Variants in NBPF11 observed in about 807,000 individuals in gnomAD.
NBPF11 encodes the protein NBPF member 11, also known as NBPF family member NBPF11.
NBPF11 carries 72 observed loss-of-function variants against 93.9 expected under a neutral mutation model. That is an observed-to-expected ratio of 0.77 (90% CI 0.63 to 0.93). NBPF11 has a LOEUF of 0.93. Among genes scored for constraint, NBPF11 ranks in the 40% least tolerant of loss-of-function variants. The pLI is 0.00. For missense variants in NBPF11, 705 were observed against 802.2 expected, an observed-to-expected ratio of 0.88 and a Z score of 1.46; for synonymous variants, 224 against 304.9, an observed-to-expected ratio of 0.73 and a Z score of 2.76.
chr1:148,122,749 T>A lies in NBPF11; in HGVS notation c.546A>T (p.Val182=), dbSNP rs76908662. 18 of 1,609,270 alleles carry A rather than the reference T, an allele frequency of 1.1e-5. No homozygotes were observed. Among genetic ancestry groups the A allele is most frequent in the Non-Finnish European group, 1.5e-5 (18 of 1,176,928 alleles). ...GTTACCTGGGGGCAGATGATTCCAG[T>A]ACTTTCTCATCCTCCTCAACTTGAA... ...EDVQVEEDEK[V]LESSAPREVQ... The change falls in exon 8 of 24, where the codon GTA becomes GTT. Residue 182 remains valine (V), a synonymous_variant. Transcript: ENST00000682118.
At chr1:148,132,250 TGTGTGGGG>T (rs1359155042) in intron 4 of NBPF11, among the ~76,000 whole-genome samples, 9 of 146,188 alleles carry the variant, frequency 6.2e-5, no homozygotes, top group Non-Finnish European at 1.3e-4. Context: ...TGTGTGTGTG[TGTGTGGGG>T]GTGTGTATAC....
Position 148,149,600 on chromosome 1 carries a change from G to A in NBPF11, c.-549+2150C>T. ...CCAACCAGCCGGACCTCAGCAATAA[G>A]GCGGCCCCCGGACCTCACCCCGCGC... On this transcript the variant is annotated intron_variant, in intron 1 of 23. Coordinates refer to ENST00000682118, the MANE Select transcript of NBPF11 (RefSeq NM_001385469.3). 5 of 1,583,732 alleles carry A rather than the reference G, an allele frequency of 3.2e-6. No homozygotes were observed. In the South Asian group the frequency reaches 5.5e-5, roughly 18 times the overall value.
In NBPF11 at chr1:148,122,589, G is replaced by T. The variant is rs1484104328; in HGVS notation, c.566+140C>A. On this transcript the variant is annotated intron_variant, in intron 8 of 23. Transcript: ENST00000682118. ...AAACACAACAGCTGCCGCACCCTGT[G>T]TCTAAGCTGGGTTGAATTTCACATA... 44 of 1,280,560 alleles carry T rather than the reference G, an allele frequency of 3.4e-5. No individual in the cohort carries two copies. The East Asian group carries it at 9.7e-4, about 28-fold the overall frequency. The allele number at this position is 1,280,560 out of a possible 1,614,324, so 79.3% of individuals were successfully genotyped here.
At chr1:148,121,379 GCT>G (rs1393686988) in intron 9 of NBPF11, among the ~76,000 whole-genome samples, 1 of 135,048 alleles carries the variant, frequency 7.4e-6, no homozygotes, top group Non-Finnish European at 1.6e-5. Flanking sequence ...ATGCAGTCTC[GCT>G]CTGTCTCCCA....
In NBPF11 at chr1:148,102,509, C is replaced by T. The variant is rs1662565288; in HGVS notation, c.*1387G>A. ...GTCCTGATATCATAATGGTGTTGGA[C>T]AAACTAGACCTTCTCTGCCCGCAGA... On this transcript the variant is annotated 3_prime_UTR_variant, in exon 24 of 24. Transcript: ENST00000682118. The T allele has an allele frequency of 6.6e-6, 1 of 151,766 alleles. No individual in the cohort carries two copies. Among genetic ancestry groups the T allele is most frequent in the Admixed American group, 6.5e-5 (1 of 15,268 alleles). 9.4% of individuals were successfully genotyped at this position (151,766 alleles called of 1,614,324 possible). A position where few individuals can be genotyped will look rare whatever the true frequency, so the allele number is the denominator to read the frequency against.
intron 10 of NBPF11, among the ~76,000 whole-genome samples, chr1:148,120,219 T>A (rs1667506888): frequency 6.6e-6 from 1 of 152,088 alleles, no homozygotes; most frequent in Admixed American, 6.5e-5. Context: ...AAAACACGAT[T>A]GAGCCTCTTG....
At chr1:148,123,750 A>G in intron 7 of NBPF11, 103 bp downstream of exon 7, 4 of 1,609,220 alleles carry the variant, frequency 2.5e-6, no homozygotes, top group Middle Eastern at 2.2e-4. Context: ...TATGTGTAGT[A>G]GAAAAAAACC....
intron 16 of NBPF11, among the ~76,000 whole-genome samples, chr1:148,110,173 A>T (rs1664906863): frequency 6.6e-6 from 1 of 151,912 alleles, no homozygotes; most frequent in African/African-American, 2.4e-5. Flanking sequence ...ATGGCCTGAG[A>T]CTAGGAAGAG....
intron 3 of NBPF11, among the ~76,000 whole-genome samples, chr1:148,136,803 G>A (rs1440136185): frequency 6.6e-6 from 1 of 151,888 alleles, no homozygotes; most frequent in African/African-American, 2.4e-5. Flanking sequence ...GGTCGACAGA[G>A]GTAAGGGAAT....
In NBPF11 at chr1:148,120,483, T is replaced by A. The variant is rs1459060108; in HGVS notation, c.988+18A>T. On this transcript the variant is annotated intron_variant, in intron 10 of 23. Transcript: ENST00000682118. Reference sequence around the variant, plus strand: ...ACTTCGTTCATCACTTTCGTGATGGTGAGCATATAGATCTTACTGTATTTG... The same window carrying A: ...ACTTCGTTCATCACTTTCGTGATGGAGAGCATATAGATCTTACTGTATTTG... 1 of 903,100 alleles carries A rather than the reference T, an allele frequency of 1.1e-6. No individual in the cohort carries two copies. The highest frequency in any genetic ancestry group is 1.6e-5 in the African/African-American group (1 of 61,664). The allele number at this position is 903,100 out of a possible 1,614,324, so 55.9% of individuals were successfully genotyped here.
rs1662501215 is a variant in NBPF11 at position 148,102,206 on chromosome 1, A to G, written c.*1690T>C. ...TAAAATTAACTTTGGACAAAAATTA[A>G]AACTCAGGCAAAGAATGTTTTCTTC... On this transcript the variant is annotated 3_prime_UTR_variant, in exon 24 of 24. Coordinates refer to ENST00000682118, the MANE Select transcript of NBPF11 (RefSeq NM_001385469.3). 1 of 151,924 alleles carries G rather than the reference A, an allele frequency of 6.6e-6. No homozygotes were observed. The highest frequency in any genetic ancestry group is 1.5e-5 in the Non-Finnish European group (1 of 68,040). The allele number at this position is 151,924 out of a possible 1,614,324, so 9.4% of individuals were successfully genotyped here. A position where few individuals can be genotyped will look rare whatever the true frequency, so the allele number is the denominator to read the frequency against.
At chr1:148,105,828 G>C (rs1465938607) in intron 21 of NBPF11, among the ~76,000 whole-genome samples, 1 of 139,658 alleles carries the variant, frequency 7.2e-6, no homozygotes, top group Admixed American at 7.1e-5. Flanking sequence ...ACACACTGAT[G>C]AGGGAGTAAC....
chr1:148,128,812 CA>C (rs1669669098), intron 4 of NBPF11, among the ~76,000 whole-genome samples: 4 of 151,230 alleles, frequency 2.6e-5, no homozygotes, highest in South Asian at 4.2e-4. Context: ...TTTAAAACAA[CA>C]AATATTATTT....
At chr1:148,146,145 G>A (rs1441989958) in intron 1 of NBPF11, among the ~76,000 whole-genome samples, 2 of 151,714 alleles carry the variant, frequency 1.3e-5, no homozygotes, top group Admixed American at 6.6e-5. Context: ...GCCCGGGGGC[G>A]CGGGCCGGGG....
At chr1:148,109,082 A>T (rs1664603700) in intron 17 of NBPF11, among the ~76,000 whole-genome samples, 2 of 151,560 alleles carry the variant, frequency 1.3e-5, no homozygotes, top group African/African-American at 2.4e-5. Flanking sequence ...GTCAACCTTC[A>T]CTAGGTTAGT....
At position 148,103,408 on chromosome 1, in the gene NBPF11, G is replaced by C; in HGVS notation, c.*488C>G. 1.9e-6 allele frequency: 1 copy of C among 533,152 alleles called. No individual in the cohort carries two copies. The highest frequency in any genetic ancestry group is 3.2e-6 in the Non-Finnish European group (1 of 308,930). The allele number at this position is 533,152 out of a possible 1,614,324, so 33.0% of individuals were successfully genotyped here. On this transcript the variant is annotated 3_prime_UTR_variant, in exon 24 of 24. Coordinates refer to ENST00000682118, the MANE Select transcript of NBPF11 (RefSeq NM_001385469.3). ...GAATTTTGTAGCTACCCAGAGATAC[G>C]TGGTTCAAATTAAAATGTCCGACTG...
At chr1:148,131,184 G>A in intron 4 of NBPF11, among the ~76,000 whole-genome samples, 1 of 147,860 alleles carries the variant, frequency 6.8e-6, no homozygotes. Flanking sequence ...AAAGAAGCCA[G>A]TGCCCTTATA....
Position 148,129,132 on chromosome 1 carries a change from T to TTA in NBPF11, c.-35-2096_-35-2095dup, listed in dbSNP as rs1281018482. On this transcript the variant is annotated intron_variant, in intron 4 of 23. Coordinates refer to ENST00000682118, the MANE Select transcript of NBPF11 (RefSeq NM_001385469.3). ...ATATATACACGTGTATATGTATTAT[T>TTA]TATATATACACATGTATATATATTA... 8.9e-4 allele frequency among the ~76,000 whole-genome samples: 129 copies of TTA among 144,450 alleles called. No homozygotes were observed. In the Middle Eastern group the frequency reaches 0.011, roughly 12 times the overall value. 94.8% of individuals were successfully genotyped at this position (144,450 alleles called of 152,430 possible). A position where few individuals can be genotyped will look rare whatever the true frequency, so the allele number is the denominator to read the frequency against.
chr1:148,111,289 GT>G (rs1553268588), intron 15 of NBPF11, among the ~76,000 whole-genome samples: 1 of 151,996 alleles, frequency 6.6e-6, no homozygotes, highest in Non-Finnish European at 1.5e-5. Context: ...AACCACAAAG[GT>G]GGGGAGAAAC....
Sources: allele counts gnomAD v4.1 joint callset (sites outside exome capture counted in the v4.1 genomes callset), GRCh38; gene constraint gnomAD v4.1.1; transcripts MANE v1.5; gene names NCBI Gene and HGNC (gene_info 2026-07-23, HGNC 2026-07-21).